Variants in LSP1 observed in about 807,000 individuals in gnomAD.
LSP1 encodes the protein lymphocyte specific protein 1, also known as lymphocyte-specific protein 1.
Under a neutral mutation model 49.3 loss-of-function variants are expected in LSP1, and 32 were observed. The observed-to-expected ratio is 0.65, with a 90% CI of 0.49 to 0.87. The LOEUF is 0.87. Ranked by LOEUF, LSP1 falls within the 40% of genes least tolerant of loss-of-function variation. The pLI, the probability that LSP1 is intolerant of heterozygous loss-of-function variation, is 0.00. For synonymous variants in LSP1, 179 were observed against 178.8 expected (o/e 1.00, Z -0.01); for missense variants, 428 against 442.6 (o/e 0.97, Z 0.30).
rs532749925 is a variant in LSP1, at chr11:1,864,414, C to G, written c.53+11217C>G. ...GGCACCACAGAGGGCTAGGGGAGAC[C>G]GAGAAGCGGGCAGCGGCTACCAAGG... On this transcript the variant is annotated intron_variant, in intron 1 of 10. Transcript: ENST00000311604. 34 of 187,102 alleles carry G rather than the reference C, an allele frequency of 1.8e-4. No homozygotes were observed. The South Asian group carries it at 6.1e-3, about 34-fold the overall frequency. The allele number at this position is 187,102 out of a possible 1,614,324, so 11.6% of individuals were successfully genotyped here.
At position 1,871,309 on chromosome 11, in the gene LSP1, G is replaced by C. The variant is rs1847995875; in HGVS notation, c.54-8778G>C. 3 of 986,072 alleles carry C rather than the reference G, an allele frequency of 3.0e-6. No homozygotes were observed. The South Asian group carries it at 1.4e-4, about 46-fold the overall frequency. 61.1% of individuals were successfully genotyped at this position (986,072 alleles called of 1,614,324 possible). On this transcript the variant is annotated intron_variant, in intron 1 of 10. Coordinates refer to ENST00000311604, the MANE Select transcript of LSP1 (RefSeq NM_002339.3). ...CGAGCAGGGCGGGGCCCTAACCTCC[G>C]ACCCAGGCTGGTCGCCGCAGATGGG...
At chr11:1,856,964 G>A (rs1041755631) in intron 1 of LSP1, among the ~76,000 whole-genome samples, 1 of 152,212 alleles carries the variant, frequency 6.6e-6, no homozygotes, top group Non-Finnish European at 1.5e-5. Context: ...AGGGAGGTTA[G>A]GATTGAGGGC....
chr11:1,870,150 G>A (rs930882537), intron 1 of LSP1: 3 of 614,300 alleles, frequency 4.9e-6, no homozygotes, highest in Non-Finnish European at 8.4e-6. Context: ...CTGGACCTCT[G>A]GTGCAGAGGA....
At chr11:1,857,913 C>T (rs1847530482) in intron 1 of LSP1, among the ~76,000 whole-genome samples, 1 of 152,212 alleles carries the variant, frequency 6.6e-6, no homozygotes, top group Non-Finnish European at 1.5e-5. Context: ...TGCCACTGCC[C>T]CCGGCTAATT....
chr11:1,882,842 C>T (rs539296781), intron 3 of LSP1, among the ~76,000 whole-genome samples: 34 of 152,328 alleles, frequency 2.2e-4, no homozygotes, highest in African/African-American at 7.9e-4. Flanking sequence ...TCTTCTCCTC[C>T]AGGTTCAGTC....
chr11:1,861,698 GAT>G (rs1357810596), intron 1 of LSP1, among the ~76,000 whole-genome samples: 1,387 of 20,594 alleles, frequency 0.067, 17 homozygotes, highest in African/African-American at 0.14. Flanking sequence ...TGGGTGGGTG[GAT>G]GGATGGATGG....
Position 1,883,931 on chromosome 11 carries a change from G to A in LSP1, c.499-1G>A. ...TGGGATGTCTGTTTTTTTTTTTCTA[G>A]CACCAGAAATGTCAGCAGCCCAGGA... On this transcript the variant is annotated splice_acceptor_variant, in intron 4 of 10. Coordinates refer to ENST00000311604, the MANE Select transcript of LSP1 (RefSeq NM_002339.3). LOFTEE classifies it high-confidence loss of function. 6.3e-7 allele frequency: 1 copy of A among 1,597,284 alleles called. No individual in the cohort carries two copies. The highest frequency in any genetic ancestry group is 8.5e-7 in the Non-Finnish European group (1 of 1,175,190).
In LSP1 at chr11:1,853,180, G is replaced by A. The variant is rs1847403254; in HGVS notation, c.36G>A (p.Glu12=). Residue 12 remains glutamate, a synonymous_variant, in exon 1 of 11, where the codon GAG becomes GAA. Coordinates refer to ENST00000311604, the MANE Select transcript of LSP1 (RefSeq NM_002339.3). ...AEASSDPGAE[E]REELLGPTAQ... Reference sequence around the variant, plus strand: ...CTTCGAGTGACCCGGGTGCCGAGGAGCGGGAAGAGTTGCTGGGGTAAGGGT... The same window carrying A: ...CTTCGAGTGACCCGGGTGCCGAGGAACGGGAAGAGTTGCTGGGGTAAGGGT... 1.2e-6 allele frequency: 2 copies of A among 1,611,272 alleles called. No individual in the cohort carries two copies. The highest frequency in any genetic ancestry group is 4.5e-5 in the East Asian group (2 of 44,758).
chr11:1,881,263 C>A, intron 2 of LSP1, 169 bp from the exon 3 acceptor site: 1 of 620,636 alleles, frequency 1.6e-6, no homozygotes. Flanking sequence ...CATAGCCCTG[C>A]CCTCAGGTAT....
chr11:1,887,330 G>T lies in LSP1; in HGVS notation c.930+16G>T. On this transcript the variant is annotated intron_variant, in intron 9 of 10. Coordinates refer to ENST00000311604, the MANE Select transcript of LSP1 (RefSeq NM_002339.3). ...AACAATTAAGGTAGAGCCTAAATGT[G>T]GTTGGTGCAGGCAGGGTGGGTGCAG... 1.2e-6 allele frequency: 2 copies of T among 1,604,326 alleles called. No homozygotes were observed. The highest frequency in any genetic ancestry group is 1.7e-6 in the Non-Finnish European group (2 of 1,173,626).
chr11:1,876,613 C>T (rs1848321145), intron 1 of LSP1: 2 of 985,470 alleles, frequency 2.0e-6, no homozygotes, highest in Non-Finnish European at 2.4e-6. Context: ...GCCGGACACC[C>T]ATTCTGCAAG....
rs764685600 is a variant in LSP1 at position 1,890,124 on chromosome 11, A to G, written c.*14-1649A>G. 224 of 716,986 alleles carry G rather than the reference A, an allele frequency of 3.1e-4. 3 individuals carry two copies. In the Middle Eastern group the frequency reaches 7.1e-3, roughly 23 times the overall value. The allele number at this position is 716,986 out of a possible 1,614,324, so 44.4% of individuals were successfully genotyped here. A position where few individuals can be genotyped will look rare whatever the true frequency, so the allele number is the denominator to read the frequency against. On this transcript the variant is annotated intron_variant, in intron 10 of 10. Transcript: ENST00000311604. ...CCGGGTAGGTTCTGGGGCCGAGGCT[A>G]CAACCTGGGGCCCCATGGCCCTGAA...
chr11:1,853,223 G>A lies in LSP1; in HGVS notation c.53+26G>A, dbSNP rs761260070. On this transcript the variant is annotated intron_variant, in intron 1 of 10. Transcript: ENST00000311604. ...GTAAGGGTCTGCGGCGACGCCCGGC[G>A]CCCTGTGCCGTGTCCACGGGTGCAT... is the stretch of plus-strand genomic sequence containing the variant. The A allele has an allele frequency of 1.9e-5, 31 of 1,601,498 alleles. 1 individual carries two copies. The highest frequency in any genetic ancestry group is 4.5e-5 in the South Asian group (4 of 89,594).
In LSP1 at chr11:1,884,169, C is replaced by A; in HGVS notation, c.592-111C>A. The A allele has an allele frequency of 6.8e-7, 1 of 1,466,512 alleles. No individual in the cohort carries two copies. Among genetic ancestry groups the A allele is most frequent in the Admixed American group, 1.7e-5 (1 of 59,360 alleles). 90.8% of individuals were successfully genotyped at this position (1,466,512 alleles called of 1,614,324 possible). On this transcript the variant is annotated intron_variant, in intron 5 of 10. Coordinates refer to ENST00000311604, the MANE Select transcript of LSP1 (RefSeq NM_002339.3). This position sits in a 1 kb window ranked among gnomAD's most constrained non-coding sequence, Gnocchi z 4.1. ...CCCCATTGCCCGGTGCTCAGCGAAC[C>A]CCCATGATATAAGGGTTGGGGGTTG...
In LSP1 at chr11:1,886,660, C is replaced by G; in HGVS notation, c.718-72C>G. Reference sequence around the variant, plus strand: ...ACACAAACACAAAGCAGACGGTTGCCCAGTGTGACCCTCTGATGTGACCAC... The same window carrying G: ...ACACAAACACAAAGCAGACGGTTGCGCAGTGTGACCCTCTGATGTGACCAC... On this transcript the variant is annotated intron_variant, in intron 7 of 10. Transcript: ENST00000311604. 3 of 1,468,566 alleles carry G rather than the reference C, an allele frequency of 2.0e-6. No individual in the cohort carries two copies. In the East Asian group the frequency reaches 7.2e-5, roughly 35 times the overall value. 91.0% of individuals were successfully genotyped at this position (1,468,566 alleles called of 1,614,324 possible). A position where few individuals can be genotyped will look rare whatever the true frequency, so the allele number is the denominator to read the frequency against.
In LSP1 at chr11:1,881,471, G is replaced by A. The variant is rs1848536696; in HGVS notation, c.231G>A (p.Glu77=). Residue 77 remains glutamate, a synonymous_variant, in exon 3 of 11, where the codon GAG becomes GAA. Coordinates refer to ENST00000311604, the MANE Select transcript of LSP1 (RefSeq NM_002339.3). ...LKPSEAPELD[E]DEGFGDWSQR... Reference sequence around the variant, plus strand: ...CCTCGGAGGCCCCTGAACTGGATGAGGACGAGGGCTTTGGCGACTGGTCCC... The same window carrying A: ...CCTCGGAGGCCCCTGAACTGGATGAAGACGAGGGCTTTGGCGACTGGTCCC... The A allele has an allele frequency of 6.3e-7, 1 of 1,581,258 alleles. No homozygotes were observed. Among genetic ancestry groups the A allele is most frequent in the East Asian group, 2.3e-5 (1 of 43,644 alleles).
At chr11:1,882,697 G>A (rs1848595619) in intron 3 of LSP1, among the ~76,000 whole-genome samples, 1 of 152,206 alleles carries the variant, frequency 6.6e-6, no homozygotes. Flanking sequence ...TGGCTGCACA[G>A]ACCTGCTCCT....
chr11:1,858,371 C>A (rs550207780), intron 1 of LSP1, among the ~76,000 whole-genome samples: 5 of 152,198 alleles, frequency 3.3e-5, no homozygotes, highest in Non-Finnish European at 7.4e-5. Flanking sequence ...TGCTCATGGC[C>A]CAAGCTCAGC....
In LSP1 at chr11:1,884,221, A is replaced by G. The variant is rs770783311; in HGVS notation, c.592-59A>G. 2 of 1,594,044 alleles carry G rather than the reference A, an allele frequency of 1.3e-6. No individual in the cohort carries two copies. The highest frequency in any genetic ancestry group is 1.7e-6 in the Non-Finnish European group (2 of 1,161,958). Reference sequence around the variant, plus strand: ...ATTAGTGGTTGGAGTAGCTGGGGAGATGGAGGGTGGGCTTTACCTCGGCTG... The same window carrying G: ...ATTAGTGGTTGGAGTAGCTGGGGAGGTGGAGGGTGGGCTTTACCTCGGCTG... On this transcript the variant is annotated intron_variant, in intron 5 of 10. Coordinates refer to ENST00000311604, the MANE Select transcript of LSP1 (RefSeq NM_002339.3). This position sits in a 1 kb window ranked among gnomAD's most constrained non-coding sequence, Gnocchi z 4.1.
Sources: allele counts gnomAD v4.1 joint callset (sites outside exome capture counted in the v4.1 genomes callset), GRCh38; gene constraint gnomAD v4.1.1; non-coding constraint Gnocchi (gnomAD v3.1); transcripts MANE v1.5; gene names NCBI Gene and HGNC (gene_info 2026-07-23, HGNC 2026-07-21).